Variants in WIPF1 observed in about 807,000 individuals in gnomAD.
WIPF1 encodes the protein WAS/WASL-interacting protein family member 1.
WIPF1 carries 13 observed loss-of-function variants against 35.4 expected under a neutral mutation model. The ratio of observed to expected loss-of-function variants is 0.37; its 90% CI spans 0.24 to 0.58. The LOEUF is 0.58. Ranked by LOEUF, WIPF1 falls within the 20% of genes least tolerant of loss-of-function variation. WIPF1 has a pLI of 0.74. For missense variants in WIPF1, 591 were observed against 667.0 expected (o/e 0.89, Z 1.25); for synonymous variants, 267 against 266.3 (o/e 1.00, Z -0.02).
chr2:174,651,095 G>A (rs767676284), intron 1 of WIPF1, among the ~76,000 whole-genome samples: 13 of 152,192 alleles, frequency 8.5e-5, no homozygotes, highest in African/African-American at 2.9e-4. Flanking sequence ...ATGTCCTGAC[G>A]TTCAAACTTC....
At chr2:174,643,403 T>C (rs1216079072) in intron 1 of WIPF1, among the ~76,000 whole-genome samples, 1 of 149,012 alleles carries the variant, frequency 6.7e-6, no homozygotes, top group Non-Finnish European at 1.5e-5. Context: ...AAATTTTATT[T>C]ATATGTATTT....
At chr2:174,618,836 C>A (rs1023024312) in intron 1 of WIPF1, among the ~76,000 whole-genome samples, 1 of 152,190 alleles carries the variant, frequency 6.6e-6, no homozygotes, top group Non-Finnish European at 1.5e-5. Flanking sequence ...CCCATCTTTA[C>A]AATAAAGCCC....
In WIPF1 at chr2:174,585,534, TC is replaced by T; in HGVS notation, c.39del (p.Thr14ArgfsTer12). On this transcript the variant is annotated frameshift_variant, in exon 2 of 8. Coordinates refer to ENST00000679041, the MANE Select transcript of WIPF1 (RefSeq NM_001375834.1). LOFTEE classifies it high-confidence loss of function. ...VPPPPAPPPP[P>X]TFALANTEKP... is the part of the protein sequence containing the mutation. ...GAGGAGACACTCACCAGTGCAAACG[TC>T]GGGGGCGGCGGGGGTGCTGGAGGGG... The T allele has an allele frequency of 7.8e-7, 1 of 1,290,312 alleles. No individual in the cohort carries two copies. Among genetic ancestry groups the T allele is most frequent in the Non-Finnish European group, 1.0e-6 (1 of 958,330 alleles). 79.9% of individuals were successfully genotyped at this position (1,290,312 alleles called of 1,614,324 possible). A position where few individuals can be genotyped will look rare whatever the true frequency, so the allele number is the denominator to read the frequency against.
rs547689816 is a variant in WIPF1, at chr2:174,567,404, G to A, written c.1343-221C>T. 3.9e-5 allele frequency among the ~76,000 whole-genome samples: 6 copies of A among 152,364 alleles called. No individual in the cohort carries two copies. In the East Asian group the frequency reaches 1.2e-3, roughly 29 times the overall value. ...TCAAAGCAAAGTGGTTTTAGTGAGA[G>A]TGATTAGGATCCAGCCAGTCCCTCT... is the stretch of plus-strand genomic sequence containing the variant. On this transcript the variant is annotated intron_variant, in intron 6 of 7. Coordinates refer to ENST00000679041, the MANE Select transcript of WIPF1 (RefSeq NM_001375834.1).
intron 1 of WIPF1, among the ~76,000 whole-genome samples, chr2:174,617,175 A>G (rs1686531760): frequency 6.6e-6 from 1 of 152,124 alleles, no homozygotes; most frequent in East Asian, 1.9e-4. Context: ...GCTGGGTACA[A>G]GCAGCAGAGA....
intron 2 of WIPF1, among the ~76,000 whole-genome samples, chr2:174,585,154 A>G (rs1387884361): frequency 2.0e-5 from 3 of 152,214 alleles, no homozygotes; most frequent in Admixed American, 1.3e-4. Flanking sequence ...TAGACCGTCC[A>G]GCCCAGAAGT....
intron 1 of WIPF1, among the ~76,000 whole-genome samples, chr2:174,648,020 T>C (rs747233876): frequency 5.3e-5 from 8 of 152,240 alleles, no homozygotes; most frequent in African/African-American, 1.7e-4. Flanking sequence ...TTACATCCAT[T>C]TGAGCAACAT....
At chr2:174,577,264 A>G (rs1357311775) in intron 3 of WIPF1, among the ~76,000 whole-genome samples, 1 of 152,316 alleles carries the variant, frequency 6.6e-6, no homozygotes, top group East Asian at 1.9e-4. Context: ...ATTTTCTAGT[A>G]TGCACATGGT....
rs770064386 is a variant in WIPF1, at chr2:174,571,652, A to C, written c.1129+24T>G. The C allele has an allele frequency of 1.5e-5, 25 of 1,614,036 alleles. No homozygotes were observed. The South Asian group carries it at 2.7e-4, about 18-fold the overall frequency. ...TTTGGGCAGGCTGGGTTTTGGAAGC[A>C]ACTCACTCCACGTCTTGTCATACCT... On this transcript the variant is annotated intron_variant, in intron 5 of 7. Transcript: ENST00000679041. This position sits in a 1 kb window ranked among gnomAD's most constrained non-coding sequence, Gnocchi z 4.6.
intron 1 of WIPF1, among the ~76,000 whole-genome samples, chr2:174,616,884 T>A (rs1686521752): frequency 1.3e-5 from 2 of 152,218 alleles, no homozygotes; most frequent in South Asian, 4.1e-4. Context: ...TTGAGGTGTT[T>A]CTTGCTAACT....
intron 1 of WIPF1, among the ~76,000 whole-genome samples, chr2:174,592,088 A>G (rs1445437150): frequency 6.6e-6 from 1 of 152,230 alleles, no homozygotes; most frequent in Admixed American, 6.5e-5. Flanking sequence ...CCCTGAATGT[A>G]AAATGATTGC....
chr2:174,667,977 G>A (rs1220416713), intron 1 of WIPF1, among the ~76,000 whole-genome samples: 1 of 152,120 alleles, frequency 6.6e-6, no homozygotes, highest in Non-Finnish European at 1.5e-5. Context: ...GGCAGGGGCT[G>A]TGCAGTGCAA....
intron 7 of WIPF1, among the ~76,000 whole-genome samples, chr2:174,562,822 C>T (rs1393501425): frequency 6.6e-6 from 1 of 152,118 alleles, no homozygotes; most frequent in Non-Finnish European, 1.5e-5. Context: ...CTCCCAAGTA[C>T]TTGCACAAAG....
At chr2:174,617,991 G>A (rs899782435) in intron 1 of WIPF1, among the ~76,000 whole-genome samples, 2 of 152,182 alleles carry the variant, frequency 1.3e-5, no homozygotes, top group Non-Finnish European at 2.9e-5. Flanking sequence ...GGATTTTAAC[G>A]GTAACTAATA....
chr2:174,660,601 A>G (rs1169931871), intron 1 of WIPF1, among the ~76,000 whole-genome samples: 1 of 151,938 alleles, frequency 6.6e-6, no homozygotes, highest in African/African-American at 2.4e-5. Flanking sequence ...CTCGGGGGAA[A>G]CAGTTCCACC....
intron 1 of WIPF1, among the ~76,000 whole-genome samples, chr2:174,669,893 A>T (rs1464976504): frequency 2.0e-5 from 3 of 152,354 alleles, no homozygotes; most frequent in East Asian, 3.9e-4. Context: ...AATAAAATTT[A>T]AAAATAATTT....
chr2:174,648,498 T>C (rs946908358), intron 1 of WIPF1, among the ~76,000 whole-genome samples: 1 of 152,206 alleles, frequency 6.6e-6, no homozygotes, highest in Admixed American at 6.5e-5. Context: ...TTTGGTGCAC[T>C]GTGGAGCATT....
chr2:174,647,643 C>A (rs1687439143), intron 1 of WIPF1, among the ~76,000 whole-genome samples: 1 of 63,918 alleles, frequency 1.6e-5, no homozygotes. Context: ...AAAGTGGACC[C>A]TGTCTTAAAA....
chr2:174,670,788 G>A (rs557040908), intron 1 of WIPF1, among the ~76,000 whole-genome samples: 23 of 152,328 alleles, frequency 1.5e-4, no homozygotes, highest in South Asian at 6.2e-4. Context: ...GCAATGCCCC[G>A]CATTAAGTAT....
Sources: gnomAD v4.1 joint callset for allele counts (sites outside exome capture counted in the v4.1 genomes callset) on GRCh38, gnomAD v4.1.1 for gene constraint, Gnocchi (gnomAD v3.1) non-coding constraint, MANE v1.5 for transcripts, NCBI Gene and HGNC (gene_info 2026-07-23, HGNC 2026-07-21) for gene names.